The following CNTNAP2 variants were observed in gnomAD, a reference collection of about 807,000 sequenced individuals.
CNTNAP2 encodes contactin-associated protein-like 2.
In CNTNAP2, 98 loss-of-function variants were observed where a neutral mutation model predicts 155.2. The ratio of observed to expected loss-of-function variants is 0.63; its 90% CI spans 0.54 to 0.75. CNTNAP2 has a LOEUF of 0.75. Ranked by LOEUF, CNTNAP2 falls within the 30% of genes least tolerant of loss-of-function variation. The probability of loss-of-function intolerance (pLI) is 0.00; values close to 1 mark genes in which losing one functional copy is unlikely to be tolerated. For synonymous variants in CNTNAP2, 651 were observed against 631.2 expected, an observed-to-expected ratio of 1.03 and a Z score of -0.47; for missense variants, 1,727 against 1,688.1, an observed-to-expected ratio of 1.02 and a Z score of -0.40.
intron 13 of CNTNAP2, among the ~76,000 whole-genome samples, chr7:147,732,924 C>A (rs555582418): frequency 4.6e-5 from 7 of 152,252 alleles, no homozygotes; most frequent in Admixed American, 4.6e-4. Context: ...TTTGTAGATT[C>A]TGGATATTAA....
chr7:148,264,275 G>A (rs1796627943), intron 20 of CNTNAP2, among the ~76,000 whole-genome samples: 2 of 152,182 alleles, frequency 1.3e-5, no homozygotes, highest in South Asian at 2.1e-4. Flanking sequence ...CATAATATGT[G>A]TTAGTTGGGT....
chr7:146,298,454 AG>A (rs1800551081), intron 1 of CNTNAP2, among the ~76,000 whole-genome samples: 5 of 152,148 alleles, frequency 3.3e-5, no homozygotes, highest in African/African-American at 9.7e-5. Context: ...CCTTAGGAAA[AG>A]TTTGGAAAGG....
At chr7:147,886,211 G>A (rs1049312356) in intron 13 of CNTNAP2, among the ~76,000 whole-genome samples, 2 of 152,062 alleles carry the variant, frequency 1.3e-5, no homozygotes, top group Non-Finnish European at 2.9e-5. Context: ...AGTGGCTCAC[G>A]CCTGTAATCC....
chr7:148,198,929 G>A (rs1795323028), intron 18 of CNTNAP2, among the ~76,000 whole-genome samples: 1 of 152,182 alleles, frequency 6.6e-6, no homozygotes, highest in Admixed American at 6.5e-5. Flanking sequence ...AGAGAACATA[G>A]GGAGGTCATT....
chr7:147,355,197 T>TA (rs1381056381), intron 9 of CNTNAP2, among the ~76,000 whole-genome samples: 3 of 152,002 alleles, frequency 2.0e-5, no homozygotes, highest in Non-Finnish European at 4.4e-5. Context: ...GACTACTGGG[T>TA]AAATAATGAA....
chr7:146,613,196 G>A (rs1362193330), intron 1 of CNTNAP2, among the ~76,000 whole-genome samples: 2 of 152,110 alleles, frequency 1.3e-5, no homozygotes, highest in Admixed American at 6.6e-5. Context: ...AGGGAGACTT[G>A]TCTGTAATTT....
intron 1 of CNTNAP2, among the ~76,000 whole-genome samples, chr7:146,493,594 A>C (rs1026294463): frequency 6.6e-6 from 1 of 152,100 alleles, no homozygotes; most frequent in Admixed American, 6.5e-5. Flanking sequence ...AGGTAAGGAA[A>C]ATAAAGAGCC....
intron 3 of CNTNAP2, among the ~76,000 whole-genome samples, chr7:146,877,289 G>A (rs1409869853): frequency 1.3e-5 from 2 of 151,450 alleles, no homozygotes; most frequent in Non-Finnish European, 2.9e-5. Context: ...ATCATTTGAG[G>A]CTAAGAGTTC....
At chr7:146,740,168 T>C (rs1450628093) in intron 1 of CNTNAP2, among the ~76,000 whole-genome samples, 1 of 152,010 alleles carries the variant, frequency 6.6e-6, no homozygotes, top group African/African-American at 2.4e-5. Flanking sequence ...CTTCTGACTT[T>C]ATATTTTCAA....
intron 13 of CNTNAP2, among the ~76,000 whole-genome samples, chr7:147,667,694 C>T (rs1036748748): frequency 1.2e-4 from 19 of 152,026 alleles, no homozygotes; most frequent in African/African-American, 4.3e-4. Flanking sequence ...TAATGTTTTT[C>T]CCTCCAAACA....
chr7:147,121,113 C>A lies in CNTNAP2; in HGVS notation c.889C>A (p.Gln297Lys), dbSNP rs1345087745. The stretch of plus-strand genomic sequence containing the variant: ...TAACCTCACTCTGGACAGGAGCATG[C>A]AGCACTTCCGTACCAATGGAGAGTT... Reference protein sequence around the residue: ...SINLTLDRSMQHFRTNGEFDY... With the variant: ...SINLTLDRSMKHFRTNGEFDY... Residue 297 changes from glutamine to lysine, a missense_variant, in exon 6 of 24, where the codon CAG (glutamine) becomes AAG (lysine). Gln to Lys is a moderately conservative substitution (Grantham distance 53). Coordinates refer to ENST00000361727, the MANE Select transcript of CNTNAP2 (RefSeq NM_014141.6). 5 of 1,614,002 alleles carry A rather than the reference C, an allele frequency of 3.1e-6. No individual in the cohort carries two copies. The highest frequency in any genetic ancestry group is 4.2e-6 in the Non-Finnish European group (5 of 1,180,010).
chr7:146,806,733 C>T (rs1241378879), intron 2 of CNTNAP2, among the ~76,000 whole-genome samples: 1 of 152,044 alleles, frequency 6.6e-6, no homozygotes, highest in Non-Finnish European at 1.5e-5. Context: ...AATTAATGTC[C>T]TTAAAATGCC....
At chr7:147,618,021 A>T (rs926789931) in intron 12 of CNTNAP2, among the ~76,000 whole-genome samples, 3 of 152,210 alleles carry the variant, frequency 2.0e-5, no homozygotes. Context: ...GTGCTGATTG[A>T]TTGAATCAGG....
chr7:146,669,216 A>G (rs1346365332), intron 1 of CNTNAP2, among the ~76,000 whole-genome samples: 1 of 152,166 alleles, frequency 6.6e-6, no homozygotes, highest in African/African-American at 2.4e-5. Context: ...AAGCCTTGAA[A>G]TTGAGTTATT....
intron 12 of CNTNAP2, among the ~76,000 whole-genome samples, chr7:147,613,705 T>C (rs528699082): frequency 8.5e-5 from 13 of 152,190 alleles, no homozygotes; most frequent in Non-Finnish European, 1.6e-4. Flanking sequence ...TAGCCAGGCA[T>C]GGTGGTGGGC....
chr7:147,352,919 C>T (rs1795991093), intron 9 of CNTNAP2, among the ~76,000 whole-genome samples: 1 of 151,738 alleles, frequency 6.6e-6, no homozygotes, highest in African/African-American at 2.4e-5. Context: ...GATACTTAAA[C>T]TTTACTAAGT....
chr7:148,014,938 G>C (rs1329550500), intron 15 of CNTNAP2, among the ~76,000 whole-genome samples: 3 of 152,104 alleles, frequency 2.0e-5, no homozygotes, highest in Admixed American at 2.0e-4. Context: ...AATTAGGGAA[G>C]GTTTTATTTT....
chr7:148,420,885 G>A lies in CNTNAP2; in HGVS notation c.*5269G>A, dbSNP rs1373281764. 6.6e-6 allele frequency: 1 copy of A among 152,456 alleles called. No individual in the cohort carries two copies. Among genetic ancestry groups the A allele is most frequent in the Non-Finnish European group, 1.5e-5 (1 of 67,998 alleles). The allele number at this position is 152,456 out of a possible 1,614,324, so 9.4% of individuals were successfully genotyped here. ...AGCATGTAAACTAGAATGAAAGAAG[G>A]AAATTATGTACGTATGCCTAATATT... On this transcript the variant is annotated 3_prime_UTR_variant, in exon 24 of 24. Coordinates refer to ENST00000361727, the MANE Select transcript of CNTNAP2 (RefSeq NM_014141.6).
intron 22 of CNTNAP2, among the ~76,000 whole-genome samples, chr7:148,388,526 T>A (rs1180374379): frequency 6.6e-6 from 1 of 152,142 alleles, no homozygotes; most frequent in African/African-American, 2.4e-5. Flanking sequence ...TGCCACATTT[T>A]CTTAATCCAG....
Sources: gnomAD v4.1 joint callset for allele counts (sites outside exome capture counted in the v4.1 genomes callset) on GRCh38, gnomAD v4.1.1 for gene constraint, MANE v1.5 for transcripts, NCBI Gene and HGNC (gene_info 2026-07-23, HGNC 2026-07-21) for gene names.